Variants in SLC24A2 observed in about 807,000 individuals in gnomAD.
SLC24A2 encodes sodium/potassium/calcium exchanger 2.
In SLC24A2, 36 loss-of-function variants were observed where a neutral mutation model predicts 62.0. The observed-to-expected ratio is 0.58, with a 90% CI of 0.44 to 0.77. SLC24A2 has a LOEUF of 0.77. SLC24A2 is among the 30% of genes least tolerant of loss of function. The pLI, the probability that SLC24A2 is intolerant of heterozygous loss-of-function variation, is 0.00. For missense variants in SLC24A2, 846 were observed against 817.9 expected (o/e 1.03, Z -0.42); for synonymous variants, 358 against 294.0 (o/e 1.22, Z -2.23).
chr9:19,519,269 T>C (rs138442137), intron 10 of SLC24A2, among the ~76,000 whole-genome samples: 2,548 of 152,160 alleles, frequency 0.017, 65 homozygotes, highest in African/African-American at 0.059. Flanking sequence ...CTTTGTGAAA[T>C]ATATGGAAGA....
chr9:19,594,496 CCAAA>C (rs917156724), intron 5 of SLC24A2, among the ~76,000 whole-genome samples: 6 of 152,104 alleles, frequency 3.9e-5, no homozygotes, highest in East Asian at 1.9e-4. Flanking sequence ...AACCAACCAA[CCAAA>C]CAAACAAAAA....
At chr9:19,612,062 A>C (rs1837189026) in intron 4 of SLC24A2, among the ~76,000 whole-genome samples, 1 of 152,176 alleles carries the variant, frequency 6.6e-6, no homozygotes, top group African/African-American at 2.4e-5. Flanking sequence ...TTCTTCATCT[A>C]TAAAATGAGG....
At chr9:19,725,081 G>A (rs1426456400) in intron 2 of SLC24A2, among the ~76,000 whole-genome samples, 1 of 152,064 alleles carries the variant, frequency 6.6e-6, no homozygotes, top group East Asian at 1.9e-4. Flanking sequence ...CATGCCAGTG[G>A]GGTAATTTTG....
chr9:19,996,951 T>C, the SLC24A2 span, among the ~76,000 whole-genome samples: 2 of 151,212 alleles, frequency 1.3e-5, no homozygotes, highest in East Asian at 1.9e-4. Flanking sequence ...GGTAAAAGCA[T>C]GGAGAATGAA....
the SLC24A2 span, among the ~76,000 whole-genome samples, chr9:20,038,502 C>T: frequency 2.0e-5 from 3 of 152,104 alleles, no homozygotes; most frequent in Non-Finnish European, 4.4e-5. Context: ...GCAGGTGACC[C>T]TACGAATAAA....
the SLC24A2 span, among the ~76,000 whole-genome samples, chr9:20,259,115 G>T: frequency 6.6e-6 from 1 of 152,108 alleles, no homozygotes; most frequent in Non-Finnish European, 1.5e-5. Context: ...GGAACCATAA[G>T]CCAAGGAATG....
chr9:20,159,178 G>A, the SLC24A2 span, among the ~76,000 whole-genome samples: 30 of 151,712 alleles, frequency 2.0e-4, no homozygotes, highest in South Asian at 5.4e-3. Context: ...AATCTTCAAC[G>A]TGCAGTAATA....
chr9:19,968,291 A>C, the SLC24A2 span, among the ~76,000 whole-genome samples: 1 of 152,198 alleles, frequency 6.6e-6, no homozygotes, highest in African/African-American at 2.4e-5. Context: ...ACTCTGAAAC[A>C]CAGCAGCTTT....
At chr9:20,272,352 T>C in the SLC24A2 span, among the ~76,000 whole-genome samples, 4 of 152,062 alleles carry the variant, frequency 2.6e-5, no homozygotes, top group Non-Finnish European at 4.4e-5. Context: ...TGTTTTAGAG[T>C]CTCATAGTTC....
At chr9:20,163,664 G>A in the SLC24A2 span, among the ~76,000 whole-genome samples, 15 of 151,888 alleles carry the variant, frequency 9.9e-5, no homozygotes, top group African/African-American at 1.4e-4. Flanking sequence ...AAAAGAGCCC[G>A]CATCACCAAG....
the SLC24A2 span, among the ~76,000 whole-genome samples, chr9:20,223,260 T>C: frequency 1.3e-5 from 2 of 152,250 alleles, no homozygotes; most frequent in African/African-American, 4.8e-5. Flanking sequence ...CCTTAATAAA[T>C]GAACATAAAT....
At chr9:20,041,163 T>TGCGCACGTGTGCGCGC in the SLC24A2 span, among the ~76,000 whole-genome samples, 2 of 149,022 alleles carry the variant, frequency 1.3e-5, no homozygotes, top group Non-Finnish European at 3.0e-5. Flanking sequence ...CGTGCGCGCG[T>TGCGCACGTGTGCGCGC]GCGCACGTGT....
At chr9:19,775,521 G>A (rs1427836249) in intron 2 of SLC24A2, among the ~76,000 whole-genome samples, 2 of 152,242 alleles carry the variant, frequency 1.3e-5, no homozygotes, top group African/African-American at 4.8e-5. Flanking sequence ...CATAGATGGT[G>A]TGTGTGCTTG....
At chr9:19,536,651 A>G (rs199838911) in intron 8 of SLC24A2, among the ~76,000 whole-genome samples, 9 of 61,468 alleles carry the variant, frequency 1.5e-4, no homozygotes, top group African/African-American at 4.3e-4. Flanking sequence ...GAATAATGCC[A>G]CAATAAACAT....
chr9:19,857,693 T>C, the SLC24A2 span, among the ~76,000 whole-genome samples: 1 of 152,194 alleles, frequency 6.6e-6, no homozygotes, highest in Non-Finnish European at 1.5e-5. Flanking sequence ...AATTGGGTTT[T>C]AAATATTGAT....
At chr9:19,631,587 C>T (rs887300141) in intron 2 of SLC24A2, among the ~76,000 whole-genome samples, 6 of 152,166 alleles carry the variant, frequency 3.9e-5, no homozygotes, top group Non-Finnish European at 8.8e-5. Flanking sequence ...CACCAGTGTG[C>T]TGCCACCCCA....
intron 10 of SLC24A2, among the ~76,000 whole-genome samples, chr9:19,518,940 T>C (rs972000085): frequency 3.3e-5 from 5 of 152,322 alleles, no homozygotes; most frequent in African/African-American, 9.6e-5. Flanking sequence ...GTTCAAAATA[T>C]TTAGTTCATT....
intron 8 of SLC24A2, among the ~76,000 whole-genome samples, chr9:19,547,882 G>T (rs1168755152): frequency 1.3e-5 from 2 of 151,766 alleles, no homozygotes; most frequent in African/African-American, 4.9e-5. Context: ...TCTTAGAAAT[G>T]TCAGTGTGGT....
chr9:20,249,321 AGT>A, the SLC24A2 span, among the ~76,000 whole-genome samples: 2 of 152,170 alleles, frequency 1.3e-5, no homozygotes, highest in Non-Finnish European at 2.9e-5. Context: ...AACCATGGAC[AGT>A]TTACTTAATT....
Sources: gnomAD v4.1 joint callset for allele counts (sites outside exome capture counted in the v4.1 genomes callset) on GRCh38, gnomAD v4.1.1 for gene constraint, MANE v1.5 for transcripts, NCBI Gene and HGNC (gene_info 2026-07-23, HGNC 2026-07-21) for gene names.